The following CCDC3 variants were observed in gnomAD, a reference collection of about 807,000 sequenced individuals.
CCDC3 encodes coiled-coil domain-containing protein 3.
CCDC3 carries 24 observed loss-of-function variants against 21.4 expected under a neutral mutation model. The observed-to-expected ratio is 1.12, with a 90% CI of 0.81 to 1.58. The LOEUF (loss-of-function observed/expected upper bound fraction) is 1.58, where lower values mean the gene tolerates loss of function less well. Among genes scored for constraint, CCDC3 ranks in the 40% most tolerant of loss-of-function variants. The pLI, the probability that CCDC3 is intolerant of heterozygous loss-of-function variation, is 0.00. For missense variants in CCDC3, 425 were observed against 360.9 expected (o/e 1.18, Z -1.44); for synonymous variants, 186 against 166.0 (o/e 1.12, Z -0.93).
chr10:13,097,591 G>A (rs951920876), intron 3 of CCDC3, among the ~76,000 whole-genome samples: 3 of 152,146 alleles, frequency 2.0e-5, no homozygotes, highest in African/African-American at 7.2e-5. Flanking sequence ...TGGTGTGGTG[G>A]CACACGCCTG....
chr10:13,041,926 C>T (rs1460833915), intron 5 of CCDC3, among the ~76,000 whole-genome samples: 1 of 152,134 alleles, frequency 6.6e-6, no homozygotes, highest in Non-Finnish European at 1.5e-5. Flanking sequence ...CGTGCCCAGC[C>T]CTGGCAGAGA....
chr10:13,024,049 G>C (rs773641613), intron 5 of CCDC3, among the ~76,000 whole-genome samples: 1 of 152,156 alleles, frequency 6.6e-6, no homozygotes, highest in Non-Finnish European at 1.5e-5. Flanking sequence ...CCCTGGAACT[G>C]ATTCTCTGTG....
chr10:12,936,775 T>C (rs1423731020), intron 2 of CCDC3, among the ~76,000 whole-genome samples: 1 of 152,158 alleles, frequency 6.6e-6, no homozygotes, highest in African/African-American at 2.4e-5. Context: ...TAGCCAGATA[T>C]GGTGGCACAC....
chr10:13,037,470 T>C (rs1057506443), intron 5 of CCDC3, among the ~76,000 whole-genome samples: 10 of 152,192 alleles, frequency 6.6e-5, no homozygotes, highest in African/African-American at 2.2e-4. Context: ...GGAAACATTG[T>C]AGAAGGTGAT....
intron 2 of CCDC3, among the ~76,000 whole-genome samples, chr10:12,991,582 C>T (rs1454155793): frequency 6.6e-6 from 1 of 152,150 alleles, no homozygotes; most frequent in Non-Finnish European, 1.5e-5. Context: ...GATCTGCCCA[C>T]CTCAGCCCCC....
rs578037189 is a variant in CCDC3, at chr10:13,047,675, A to G, written c.-2+1999T>C. On this transcript the variant is annotated intron_variant, in intron 5 of 6. Coordinates refer to the CCDC3 transcript ENST00000378839. ...GCCCAGTGTGGTCCTGGCAACTGCA[A>G]GCTGGATCTCCATCCGTGCCCTCCC... is the stretch of plus-strand genomic sequence containing the variant. 5.9e-4 allele frequency among the ~76,000 whole-genome samples: 90 copies of G among 152,254 alleles called. 1 individual carries two copies. In the South Asian group the frequency reaches 0.018, roughly 30 times the overall value.
At chr10:13,057,547 A>G (rs933627769) in intron 4 of CCDC3, among the ~76,000 whole-genome samples, 8 of 151,944 alleles carry the variant, frequency 5.3e-5, no homozygotes, top group Admixed American at 5.2e-4. Context: ...TTTTCTGTCA[A>G]TAAGTTTATT....
At chr10:12,949,351 G>A (rs1274743640) in intron 2 of CCDC3, among the ~76,000 whole-genome samples, 2 of 152,178 alleles carry the variant, frequency 1.3e-5, no homozygotes, top group Non-Finnish European at 2.9e-5. Flanking sequence ...AAGGGAAAAA[G>A]CATGTCCTTC....
At chr10:13,015,478 GTGAC>G (rs60683177) in intron 5 of CCDC3, among the ~76,000 whole-genome samples, 1,948 of 152,090 alleles carry the variant, frequency 0.013, 42 homozygotes, top group African/African-American at 0.044. Flanking sequence ...AGCGGTTACT[GTGAC>G]TGTGTGTTAG....
intron 5 of CCDC3, among the ~76,000 whole-genome samples, chr10:13,015,362 G>A (rs538976188): frequency 1.2e-4 from 18 of 152,114 alleles, no homozygotes; most frequent in Admixed American, 9.2e-4. Context: ...ATTGCTCTCC[G>A]GGAGCTGATA....
intron 2 of CCDC3, among the ~76,000 whole-genome samples, chr10:12,931,833 G>A (rs1308162151): frequency 6.6e-6 from 1 of 152,196 alleles, no homozygotes; most frequent in African/African-American, 2.4e-5. Context: ...TTCCATGCAG[G>A]GGCTCTGAAT....
chr10:12,975,966 A>C (rs1835411611), intron 2 of CCDC3, among the ~76,000 whole-genome samples: 1 of 152,220 alleles, frequency 6.6e-6, no homozygotes. Flanking sequence ...ACTCTCTTGA[A>C]GGCAGGAGAT....
intron 4 of CCDC3, among the ~76,000 whole-genome samples, chr10:13,056,714 G>C (rs1836685569): frequency 6.6e-6 from 1 of 152,204 alleles, no homozygotes; most frequent in Non-Finnish European, 1.5e-5. Flanking sequence ...CCTGGGGTCA[G>C]AGTAACCAGG....
At chr10:12,914,299 T>G (rs1270709218) in intron 2 of CCDC3, among the ~76,000 whole-genome samples, 1 of 152,232 alleles carries the variant, frequency 6.6e-6, no homozygotes, top group Non-Finnish European at 1.5e-5. Context: ...CATGACTTAA[T>G]CATAGTAGGT....
chr10:13,089,419 T>C (rs1013657892), intron 3 of CCDC3, among the ~76,000 whole-genome samples: 11 of 152,164 alleles, frequency 7.2e-5, no homozygotes, highest in Non-Finnish European at 1.2e-4. Flanking sequence ...TATTGTCCCA[T>C]CACTTGATTA....
At chr10:13,061,891 TCTC>T (rs970513162) in intron 4 of CCDC3, among the ~76,000 whole-genome samples, 1 of 152,140 alleles carries the variant, frequency 6.6e-6, no homozygotes, top group Admixed American at 6.5e-5. Context: ...TCTCAGTTAA[TCTC>T]CTCAGGATTG....
At chr10:12,978,071 T>A in intron 2 of CCDC3, among the ~76,000 whole-genome samples, 1 of 151,644 alleles carries the variant, frequency 6.6e-6, no homozygotes, top group Admixed American at 6.6e-5. Context: ...CAGGCTGGAG[T>A]GCAGTGACAC....
chr10:13,080,786 T>C (rs1432890775), intron 3 of CCDC3, among the ~76,000 whole-genome samples: 1 of 152,172 alleles, frequency 6.6e-6, no homozygotes, highest in African/African-American at 2.4e-5. Flanking sequence ...ACACTTCCTG[T>C]GTCAGGGAGG....
intron 4 of CCDC3, among the ~76,000 whole-genome samples, chr10:13,066,901 C>G (rs1024389048): frequency 2.6e-5 from 4 of 152,120 alleles, no homozygotes; most frequent in African/African-American, 9.7e-5. Context: ...CAATAAAACC[C>G]TCCTCTGCCC....
Sources: allele counts gnomAD v4.1 joint callset (sites outside exome capture counted in the v4.1 genomes callset), GRCh38; gene constraint gnomAD v4.1.1; transcripts MANE v1.5; gene names NCBI Gene and HGNC (gene_info 2026-07-23, HGNC 2026-07-21).